Variants in ARHGEF28 observed in about 807,000 individuals in gnomAD.
The protein encoded by ARHGEF28 is 190 kDa guanine nucleotide exchange factor.
A neutral mutation model predicts 206.6 loss-of-function variants in ARHGEF28; 152 were observed. That is an observed-to-expected ratio of 0.74 (90% CI 0.64 to 0.84). ARHGEF28 has a LOEUF of 0.84. Ranked by LOEUF, ARHGEF28 falls within the 40% of genes least tolerant of loss-of-function variation. ARHGEF28 has a pLI of 0.00. For missense variants in ARHGEF28, 2,028 were observed against 2,073.2 expected (o/e 0.98, Z 0.42); for synonymous variants, 763 against 776.4 (o/e 0.98, Z 0.29).
At chr5:73,893,973 A>C (rs1436021323) in intron 28 of ARHGEF28, among the ~76,000 whole-genome samples, 3 of 152,126 alleles carry the variant, frequency 2.0e-5, no homozygotes, top group Non-Finnish European at 4.4e-5. Context: ...TTAGAAACAA[A>C]AACTTAAACC....
At chr5:73,732,812 T>A (rs142773147) in intron 2 of ARHGEF28, among the ~76,000 whole-genome samples, 1 of 149,622 alleles carries the variant, frequency 6.7e-6, no homozygotes, top group East Asian at 1.9e-4. Context: ...AAGAAAAAAG[T>A]GGTATATGAA....
rs201781594 is a variant in ARHGEF28, at chr5:73,829,231, CT to C, written c.1025-3104del. Among the ~76,000 whole-genome samples, 906 of 152,336 alleles carry C rather than the reference CT, an allele frequency of 5.9e-3. 15 individuals carry two copies. Among genetic ancestry groups the C allele is most frequent in the African/African-American group, 0.021 (881 of 41,578 alleles). ...AATCATAGAGTCATGCAGGTATTTTCTTTCAATCATTCTGTTGATTGAAGGA... is the reference window on the plus strand; with the variant it reads ...AATCATAGAGTCATGCAGGTATTTTCTTCAATCATTCTGTTGATTGAAGGA... On this transcript the variant is annotated intron_variant, in intron 9 of 35. Coordinates refer to ENST00000513042, the MANE Select transcript of ARHGEF28 (RefSeq NM_001177693.2).
intron 35 of ARHGEF28, among the ~76,000 whole-genome samples, chr5:73,920,465 C>T (rs372302163): frequency 1.3e-5 from 2 of 150,920 alleles, no homozygotes; most frequent in Non-Finnish European, 1.5e-5. Context: ...TTCTTGGATA[C>T]GTGTGCAGAA....
chr5:73,659,164 C>T (rs1301573793), intron 1 of ARHGEF28, among the ~76,000 whole-genome samples: 1 of 152,150 alleles, frequency 6.6e-6, no homozygotes, highest in African/African-American at 2.4e-5. Context: ...AGATTTTAAA[C>T]TCATTACTAC....
chr5:73,737,801 G>T (rs1751095840), intron 2 of ARHGEF28, among the ~76,000 whole-genome samples: 1 of 152,156 alleles, frequency 6.6e-6, no homozygotes, highest in Non-Finnish European at 1.5e-5. Flanking sequence ...ACAGGCGTGA[G>T]CCACCATGCC....
chr5:73,733,466 T>C (rs1750726037), intron 2 of ARHGEF28, among the ~76,000 whole-genome samples: 1 of 152,212 alleles, frequency 6.6e-6, no homozygotes, highest in South Asian at 2.1e-4. Flanking sequence ...GATCCAGGGC[T>C]GGCTGACTTA....
At chr5:73,860,736 C>T (rs1490822528) in intron 16 of ARHGEF28, among the ~76,000 whole-genome samples, 1 of 152,216 alleles carries the variant, frequency 6.6e-6, no homozygotes, top group African/African-American at 2.4e-5. Flanking sequence ...TAAAACACCA[C>T]TTTCATCAGC....
intron 13 of ARHGEF28, among the ~76,000 whole-genome samples, chr5:73,851,687 T>C (rs1398332599): frequency 6.6e-6 from 1 of 152,182 alleles, no homozygotes; most frequent in Non-Finnish European, 1.5e-5. Context: ...CTTATTCTCT[T>C]GGTACTTCAG....
At chr5:73,863,662 G>A (rs1368901566) in intron 16 of ARHGEF28, among the ~76,000 whole-genome samples, 1 of 151,406 alleles carries the variant, frequency 6.6e-6, no homozygotes, top group Non-Finnish European at 1.5e-5. Flanking sequence ...CAATTTTCAA[G>A]TATCTAAAGT....
At chr5:73,787,332 T>C (rs531872622) in intron 7 of ARHGEF28, among the ~76,000 whole-genome samples, 1 of 152,314 alleles carries the variant, frequency 6.6e-6, no homozygotes, top group African/African-American at 2.4e-5. Flanking sequence ...ATTTTTGGCA[T>C]TTTCAACAAA....
chr5:73,716,675 C>T (rs1167121908), intron 2 of ARHGEF28, among the ~76,000 whole-genome samples: 3 of 152,172 alleles, frequency 2.0e-5, no homozygotes, highest in Non-Finnish European at 2.9e-5. Flanking sequence ...TAGTTACCTT[C>T]TTTAGACTTT....
intron 2 of ARHGEF28, among the ~76,000 whole-genome samples, chr5:73,699,167 ATG>A (rs375320210): frequency 1.1e-4 from 16 of 149,022 alleles, no homozygotes; most frequent in East Asian, 9.8e-4. Flanking sequence ...GTGTGTGTGT[ATG>A]TGTGTGTGTG....
At chr5:73,860,051 C>CAGG (rs1339054624) in intron 16 of ARHGEF28, among the ~76,000 whole-genome samples, 1 of 152,164 alleles carries the variant, frequency 6.6e-6, no homozygotes, top group Non-Finnish European at 1.5e-5. Flanking sequence ...GTTTCCAGGT[C>CAGG]GACATCTCTC....
intron 2 of ARHGEF28, 120 bp downstream of exon 2, chr5:73,685,004 C>A: frequency 9.9e-7 from 1 of 1,008,584 alleles, no homozygotes; most frequent in Non-Finnish European, 1.5e-6. Context: ...AAAAACAACA[C>A]ACTGAGCGTT....
chr5:73,723,641 A>G (rs1038026089), intron 2 of ARHGEF28, among the ~76,000 whole-genome samples: 1 of 152,214 alleles, frequency 6.6e-6, no homozygotes. Flanking sequence ...CAAAACAAAA[A>G]AACCAGTTCC....
At chr5:73,843,968 A>T (rs1439805438) in intron 11 of ARHGEF28, among the ~76,000 whole-genome samples, 1 of 152,166 alleles carries the variant, frequency 6.6e-6, no homozygotes, top group Non-Finnish European at 1.5e-5. Flanking sequence ...ACATATTCTG[A>T]TATTTTCTAT....
chr5:73,781,325 C>T (rs977538035), intron 7 of ARHGEF28, among the ~76,000 whole-genome samples: 22 of 152,124 alleles, frequency 1.4e-4, no homozygotes, highest in African/African-American at 5.1e-4. Context: ...TGTGATTCTG[C>T]TTGTGGTGGA....
intron 1 of ARHGEF28, among the ~76,000 whole-genome samples, chr5:73,638,432 T>C (rs1743861695): frequency 6.6e-6 from 1 of 152,238 alleles, no homozygotes; most frequent in South Asian, 2.1e-4. Context: ...CTTGATGTTG[T>C]TCTTGATATG....
chr5:73,719,593 C>T (rs1220472580), intron 2 of ARHGEF28, among the ~76,000 whole-genome samples: 1 of 152,114 alleles, frequency 6.6e-6, no homozygotes, highest in Admixed American at 6.5e-5. Context: ...CTTCCAGCCC[C>T]AAGAGCCCCA....
Sources: gnomAD v4.1 joint callset for allele counts (sites outside exome capture counted in the v4.1 genomes callset) on GRCh38, gnomAD v4.1.1 for gene constraint, MANE v1.5 for transcripts, NCBI Gene and HGNC (gene_info 2026-07-23, HGNC 2026-07-21) for gene names.